The following PTPRD variants were observed in gnomAD, a reference collection of about 807,000 sequenced individuals.
PTPRD encodes the protein protein tyrosine phosphatase receptor type D.
PTPRD carries 34 observed loss-of-function variants against 214.5 expected under a neutral mutation model. That is an observed-to-expected ratio of 0.16 (90% confidence interval 0.12 to 0.21). The LOEUF is 0.21. PTPRD is among the 10% of genes least tolerant of loss of function. PTPRD has a pLI of 1.00. For synonymous variants in PTPRD, 1,128 were observed against 845.7 expected (o/e 1.33, Z -5.79); for missense variants, 2,545 against 2,398.7 (o/e 1.06, Z -1.27).
At chr9:9,026,062 AT>A (rs1450115130) in intron 10 of PTPRD, among the ~76,000 whole-genome samples, 1 of 152,004 alleles carries the variant, frequency 6.6e-6, no homozygotes, top group East Asian at 1.9e-4. Flanking sequence ...CATGAAAAAA[AT>A]AAAACAGGGT....
At chr9:10,067,043 C>T (rs550765551) in intron 3 of PTPRD, among the ~76,000 whole-genome samples, 19 of 151,798 alleles carry the variant, frequency 1.3e-4, no homozygotes, top group African/African-American at 3.6e-4. Flanking sequence ...GAAACTTGGG[C>T]ATTTGGCCGT....
chr9:9,195,637 C>T (rs182945783), intron 9 of PTPRD, among the ~76,000 whole-genome samples: 41 of 151,760 alleles, frequency 2.7e-4, no homozygotes, highest in Admixed American at 1.1e-3. Context: ...ATGGAGCATT[C>T]GCTTCCCACA....
At chr9:10,399,003 T>C (rs1812234852) in intron 2 of PTPRD, among the ~76,000 whole-genome samples, 1 of 151,998 alleles carries the variant, frequency 6.6e-6, no homozygotes, top group African/African-American at 2.4e-5. Flanking sequence ...GATGAGAATG[T>C]CTAATAAATG....
rs367640000 is a variant in PTPRD, at chr9:9,491,727, A to C, written c.-237+83005T>G. The stretch of plus-strand genomic sequence containing the variant: ...CAGAGAGAAAATTTAAAATATTTAG[A>C]GATGAATAAAATAAAACCACAACAT... On this transcript the variant is annotated intron_variant, in intron 8 of 45. Coordinates refer to ENST00000381196, the MANE Select transcript of PTPRD (RefSeq NM_002839.4). 9.3e-4 allele frequency among the ~76,000 whole-genome samples: 142 copies of C among 152,154 alleles called. 1 individual carries two copies. The highest frequency in any genetic ancestry group is 2.7e-3 in the South Asian group (13 of 4,826).
chr9:9,342,845 T>C (rs906837155), intron 9 of PTPRD, among the ~76,000 whole-genome samples: 2 of 152,110 alleles, frequency 1.3e-5, no homozygotes, highest in East Asian at 1.9e-4. Context: ...TTTCTTCTAA[T>C]GCTATCCCTC....
At chr9:10,199,897 T>TCA (rs2099412553) in intron 3 of PTPRD, among the ~76,000 whole-genome samples, 2 of 129,492 alleles carry the variant, frequency 1.5e-5, no homozygotes, top group African/African-American at 6.9e-5. Context: ...ACATGGGCAC[T>TCA]CGCGCGCACA....
chr9:8,899,712 C>T (rs1289364713), intron 11 of PTPRD, among the ~76,000 whole-genome samples: 33 of 152,166 alleles, frequency 2.2e-4, no homozygotes. Flanking sequence ...CTTTCACTTG[C>T]ATTTGCAATG....
chr9:8,537,025 T>G (rs1027147235), intron 14 of PTPRD, among the ~76,000 whole-genome samples: 6 of 152,128 alleles, frequency 3.9e-5, no homozygotes, highest in East Asian at 3.9e-4. Context: ...GGAAAAAACA[T>G]TCTTTTCTTA....
At chr9:8,507,575 C>T in intron 21 of PTPRD, 141 bp from the exon 22 acceptor site, 1 of 940,842 alleles carries the variant, frequency 1.1e-6, no homozygotes, top group Non-Finnish European at 1.6e-6. Flanking sequence ...TTTACCTTGT[C>T]CAAGTTAACC....
rs376532044 is a variant in PTPRD, at chr9:9,857,121, T to C, written c.-368+81386A>G. 7.2e-5 allele frequency among the ~76,000 whole-genome samples: 11 copies of C among 152,322 alleles called. No individual in the cohort carries two copies. In the East Asian group the frequency reaches 1.5e-3, roughly 21 times the overall value. Reference sequence around the variant, plus strand: ...TTAATCCTCAACTTTGTGGAAACTGTACTTAGTTTCAATCCATTTGCCTAG... The same window carrying C: ...TTAATCCTCAACTTTGTGGAAACTGCACTTAGTTTCAATCCATTTGCCTAG... On this transcript the variant is annotated intron_variant, in intron 5 of 45. Coordinates refer to ENST00000381196, the MANE Select transcript of PTPRD (RefSeq NM_002839.4).
intron 11 of PTPRD, among the ~76,000 whole-genome samples, chr9:8,820,375 T>A (rs2097027215): frequency 1.3e-5 from 2 of 151,944 alleles, no homozygotes; most frequent in South Asian, 4.1e-4. Context: ...AGGAAGAGAG[T>A]CTCTGCTCTC....
In PTPRD at chr9:9,324,058, A is replaced by T. The variant is rs569451683; in HGVS notation, c.-203+73391T>A. Among the ~76,000 whole-genome samples the T allele has an allele frequency of 1.8e-4, 28 of 152,274 alleles. 1 individual carries two copies. The East Asian group carries it at 5.0e-3, about 27-fold the overall frequency. ...GGCTGCATAGTATTCCATGTAGTAT[A>T]TGTGCCACATTTTCTTAATCCAGTC... is the stretch of plus-strand genomic sequence containing the variant. On this transcript the variant is annotated intron_variant, in intron 9 of 45. Coordinates refer to ENST00000381196, the MANE Select transcript of PTPRD (RefSeq NM_002839.4).
At chr9:8,604,143 C>T (rs1207378361) in intron 14 of PTPRD, among the ~76,000 whole-genome samples, 1 of 152,150 alleles carries the variant, frequency 6.6e-6, no homozygotes, top group Non-Finnish European at 1.5e-5. Context: ...AAGTAAGGAA[C>T]TCAAAAACAA....
Position 9,117,004 on chromosome 9 carries a change from G to A in PTPRD, c.-143+66300C>T, listed in dbSNP as rs748738789. Among the ~76,000 whole-genome samples, 12 of 152,066 alleles carry A rather than the reference G, an allele frequency of 7.9e-5. 1 individual carries two copies. The highest frequency in any genetic ancestry group is 1.8e-4 in the Non-Finnish European group (12 of 68,022). On this transcript the variant is annotated intron_variant, in intron 10 of 45. Transcript: ENST00000381196. ...AGGGTGTGTGTGTGTCACAGTTGGG[G>A]AGAAGAGCGTGAGATGGGAGAAACA...
intron 14 of PTPRD, among the ~76,000 whole-genome samples, chr9:8,615,670 T>C (rs1477318057): frequency 6.6e-6 from 1 of 152,112 alleles, no homozygotes; most frequent in African/African-American, 2.4e-5. Flanking sequence ...ATACACTCAG[T>C]GGCTTTTCCT....
chr9:8,580,939 G>C (rs1052332892), intron 14 of PTPRD, among the ~76,000 whole-genome samples: 2 of 152,140 alleles, frequency 1.3e-5, no homozygotes, highest in African/African-American at 4.8e-5. Flanking sequence ...GCTGAAAAAT[G>C]AAAAGCAGAT....
chr9:10,141,528 G>A (rs1178913027), intron 3 of PTPRD, among the ~76,000 whole-genome samples: 1 of 151,950 alleles, frequency 6.6e-6, no homozygotes, highest in East Asian at 1.9e-4. Context: ...AAAATACTTA[G>A]GAATTCAACT....
intron 3 of PTPRD, among the ~76,000 whole-genome samples, chr9:10,166,048 C>A (rs1482435791): frequency 1.3e-5 from 2 of 149,292 alleles, no homozygotes; most frequent in African/African-American, 2.4e-5. Context: ...ATTATATATA[C>A]ATGTATGCAT....
chr9:8,632,424 T>C lies in PTPRD; in HGVS notation c.352+893A>G, dbSNP rs146229152. On this transcript the variant is annotated intron_variant, in intron 14 of 45. Transcript: ENST00000381196. ...TTCTGATTGTTTCCTTTCCAATTTC[T>C]TTCATGTTAGGAAAGTCTATTCTCC... is the stretch of plus-strand genomic sequence containing the variant. Among the ~76,000 whole-genome samples the C allele has an allele frequency of 1.2e-3, 185 of 152,088 alleles. 2 individuals carry two copies. Among genetic ancestry groups the C allele is most frequent in the African/African-American group, 4.3e-3 (179 of 41,526 alleles).
Sources: allele counts gnomAD v4.1 joint callset (sites outside exome capture counted in the v4.1 genomes callset), GRCh38; gene constraint gnomAD v4.1.1; transcripts MANE v1.5; gene names NCBI Gene and HGNC (gene_info 2026-07-23, HGNC 2026-07-21).